STAG1: variants seen among roughly 807,000 people sequenced by gnomAD.
STAG1 encodes the protein cohesin subunit SA-1.
Under a neutral mutation model 170.9 loss-of-function variants are expected in STAG1, and 26 were observed. That is an observed-to-expected ratio of 0.15 (90% CI 0.11 to 0.21). The LOEUF (loss-of-function observed/expected upper bound fraction) is 0.21, where lower values mean the gene tolerates loss of function less well. Ranked by LOEUF, STAG1 falls within the 10% of genes least tolerant of loss-of-function variation. The pLI is 1.00. For synonymous variants in STAG1, 514 were observed against 497.7 expected (o/e 1.03, Z -0.44); for missense variants, 964 against 1,509.5 (o/e 0.64, Z 5.99).
chr3:136,389,979 C>G (rs1394002209), intron 22 of STAG1, among the ~76,000 whole-genome samples: 1 of 151,528 alleles, frequency 6.6e-6, no homozygotes, highest in Non-Finnish European at 1.5e-5. Flanking sequence ...CTACAGGTGC[C>G]CGCCACCACG....
chr3:136,516,413 T>C (rs867931667), intron 7 of STAG1, among the ~76,000 whole-genome samples: 2 of 151,858 alleles, frequency 1.3e-5, no homozygotes, highest in South Asian at 4.2e-4. Context: ...GATGCTGAGG[T>C]GGAAGGATCG....
intron 1 of STAG1, among the ~76,000 whole-genome samples, chr3:136,714,376 G>A (rs543319462): frequency 5.9e-5 from 9 of 152,220 alleles, no homozygotes; most frequent in South Asian, 4.1e-4. Context: ...CAGGAGGATC[G>A]TTTAAACCTA....
At chr3:136,667,291 T>A (rs750682449) in intron 1 of STAG1, among the ~76,000 whole-genome samples, 2 of 152,166 alleles carry the variant, frequency 1.3e-5, no homozygotes, top group African/African-American at 2.4e-5. Flanking sequence ...CTCACACCTA[T>A]AATTCCAGCA....
At chr3:136,724,413 G>A (rs560159156) in intron 1 of STAG1, among the ~76,000 whole-genome samples, 4 of 151,330 alleles carry the variant, frequency 2.6e-5, no homozygotes, top group East Asian at 1.9e-4. Flanking sequence ...CAGCATGCTC[G>A]TTAAGAGTCA....
At chr3:136,718,751 C>T (rs905222531) in intron 1 of STAG1, among the ~76,000 whole-genome samples, 1 of 152,016 alleles carries the variant, frequency 6.6e-6, no homozygotes, top group African/African-American at 2.4e-5. Context: ...ATGGCAAAAC[C>T]CCATTTCTAC....
intron 5 of STAG1, among the ~76,000 whole-genome samples, chr3:136,547,837 GGTAA>G (rs1936222212): frequency 1.3e-5 from 2 of 152,010 alleles, no homozygotes; most frequent in Non-Finnish European, 2.9e-5. Flanking sequence ...TCTAAGAGTC[GGTAA>G]GTTTCAGGTC....
At chr3:136,701,709 C>T (rs1172490588) in intron 1 of STAG1, among the ~76,000 whole-genome samples, 1 of 152,088 alleles carries the variant, frequency 6.6e-6, no homozygotes, top group Non-Finnish European at 1.5e-5. Flanking sequence ...AAATCAGTAT[C>T]CCTGGAATAC....
At chr3:136,534,202 C>A (rs1935510980) in intron 6 of STAG1, among the ~76,000 whole-genome samples, 1 of 152,038 alleles carries the variant, frequency 6.6e-6, no homozygotes, top group Non-Finnish European at 1.5e-5. Context: ...ACTGGATATC[C>A]ATATGCAGAA....
chr3:136,702,764 G>A (rs932652415), intron 1 of STAG1, among the ~76,000 whole-genome samples: 5 of 151,966 alleles, frequency 3.3e-5, no homozygotes, highest in Admixed American at 1.3e-4. Flanking sequence ...AGGAGATAAC[G>A]TCAATATATA....
chr3:136,657,880 A>G (rs1484217595), intron 1 of STAG1, among the ~76,000 whole-genome samples: 1 of 152,222 alleles, frequency 6.6e-6, no homozygotes, highest in Non-Finnish European at 1.5e-5. Flanking sequence ...ATGCAATAGT[A>G]GCTATGAGTT....
chr3:136,591,618 G>A (rs1431523808), intron 4 of STAG1: 2 of 323,448 alleles, frequency 6.2e-6, no homozygotes, highest in East Asian at 1.1e-4. Flanking sequence ...TGGTATAACA[G>A]ACAAGAAATA....
chr3:136,464,264 A>C (rs34168675), intron 13 of STAG1, among the ~76,000 whole-genome samples: 1 of 151,698 alleles, frequency 6.6e-6, no homozygotes, highest in African/African-American at 2.4e-5. Flanking sequence ...TCTCTAATAA[A>C]AACACAAAAT....
intron 5 of STAG1, among the ~76,000 whole-genome samples, chr3:136,559,370 C>T (rs1390954683): frequency 6.6e-6 from 1 of 151,802 alleles, no homozygotes; most frequent in African/African-American, 2.4e-5. Context: ...AGACATGAAA[C>T]AAGAAAAAGA....
chr3:136,525,611 T>A (rs1452260902), intron 6 of STAG1, among the ~76,000 whole-genome samples: 2 of 152,212 alleles, frequency 1.3e-5, no homozygotes, highest in African/African-American at 4.8e-5. Flanking sequence ...TCTGCTCTGA[T>A]CTTAGTTATT....
intron 7 of STAG1, among the ~76,000 whole-genome samples, chr3:136,513,446 G>T (rs946391411): frequency 6.6e-6 from 1 of 151,802 alleles, no homozygotes; most frequent in Admixed American, 6.6e-5. Flanking sequence ...TAACACAGTG[G>T]ACAGAAAGGA....
chr3:136,551,428 A>ATTTTT (rs57299539), intron 5 of STAG1, among the ~76,000 whole-genome samples: 2,699 of 117,454 alleles, frequency 0.023, 221 homozygotes, highest in African/African-American at 0.079. Flanking sequence ...CATCTGGCTA[A>ATTTTT]TTTTTTTTTT....
intron 1 of STAG1, among the ~76,000 whole-genome samples, chr3:136,634,986 T>A (rs921302084): frequency 2.0e-5 from 3 of 152,040 alleles, no homozygotes; most frequent in African/African-American, 7.2e-5. Flanking sequence ...AGACACTGAA[T>A]CAGTTATCAA....
chr3:136,642,403 C>T (rs1940839522), intron 1 of STAG1, among the ~76,000 whole-genome samples: 2 of 150,004 alleles, frequency 1.3e-5, no homozygotes, highest in Non-Finnish European at 3.0e-5. Context: ...TCCCAAGTAG[C>T]TGGGATTACA....
At chr3:136,751,030 C>G (rs1484175272) in intron 1 of STAG1, among the ~76,000 whole-genome samples, 2 of 152,226 alleles carry the variant, frequency 1.3e-5, no homozygotes, top group Admixed American at 1.3e-4. Flanking sequence ...AATCACACAA[C>G]TTTGTGCCAA....
Sources: gnomAD v4.1 joint callset for allele counts (sites outside exome capture counted in the v4.1 genomes callset) on GRCh38, gnomAD v4.1.1 for gene constraint, MANE v1.5 for transcripts, NCBI Gene and HGNC (gene_info 2026-07-23, HGNC 2026-07-21) for gene names.